The following SHQ1 variants were observed in gnomAD, a reference collection of about 807,000 sequenced individuals.
The protein encoded by SHQ1 is protein SHQ1 homolog.
Under a neutral mutation model 53.8 loss-of-function variants are expected in SHQ1, and 49 were observed. The observed-to-expected ratio is 0.91, with a 90% CI of 0.72 to 1.16. The LOEUF (loss-of-function observed/expected upper bound fraction) is 1.16. SHQ1 is among the 50% of genes most tolerant of loss of function. SHQ1 has a pLI of 0.00. For missense variants in SHQ1, 738 were observed against 683.1 expected (o/e 1.08, Z -0.90); for synonymous variants, 243 against 251.0 (o/e 0.97, Z 0.30).
At chr3:72,736,839 A>G in the SHQ1 span, among the ~76,000 whole-genome samples, 2 of 150,650 alleles carry the variant, frequency 1.3e-5, no homozygotes, top group Non-Finnish European at 3.0e-5. Context: ...TTTGCAGGCT[A>G]TACAAAAACA....
the SHQ1 span, among the ~76,000 whole-genome samples, chr3:72,734,975 G>A: frequency 3.0e-4 from 46 of 151,722 alleles, 2 homozygotes; most frequent in African/African-American, 3.6e-4. Flanking sequence ...AGTGCCAGGC[G>A]TGGATTTCTC....
At chr3:72,746,135 G>A (rs908275116), downstream of SHQ1, among the ~76,000 whole-genome samples, 31 of 152,118 alleles carry the variant, frequency 2.0e-4, no homozygotes, top group African/African-American at 7.0e-4. Context: ...GAGCCATCGC[G>A]CCCAGCCCCG....
chr3:72,809,133 A>G (rs1575710580), intron 9 of SHQ1, among the ~76,000 whole-genome samples: 1 of 152,130 alleles, frequency 6.6e-6, no homozygotes, highest in African/African-American at 2.4e-5. Flanking sequence ...TTCCATTAAG[A>G]AGCAGGACAG....
chr3:72,772,056 C>A (rs968213592), intron 10 of SHQ1, among the ~76,000 whole-genome samples: 25 of 152,254 alleles, frequency 1.6e-4, no homozygotes, highest in South Asian at 6.2e-4. Context: ...GTTTGCAAGA[C>A]TTTTCAGTTC....
chr3:72,740,437 G>A, the SHQ1 span, among the ~76,000 whole-genome samples: 5 of 152,156 alleles, frequency 3.3e-5, no homozygotes, highest in Admixed American at 3.3e-4. Context: ...CAGGAGATAG[G>A]GCCTTTGATC....
chr3:72,822,018 C>A (rs778801665), intron 6 of SHQ1, among the ~76,000 whole-genome samples: 38 of 152,140 alleles, frequency 2.5e-4, no homozygotes, highest in Non-Finnish European at 5.1e-4. Context: ...TTTTACTCTA[C>A]AATAATAATT....
chr3:72,799,156 A>G (rs1407148007), intron 9 of SHQ1, among the ~76,000 whole-genome samples: 1 of 148,614 alleles, frequency 6.7e-6, no homozygotes, highest in Admixed American at 6.7e-5. Flanking sequence ...CATCTCTACA[A>G]AAAAAAAAAT....
At chr3:72,773,114 T>C in intron 10 of SHQ1, 5 of 772,650 alleles carry the variant, frequency 6.5e-6, no homozygotes, top group South Asian at 2.8e-5. Flanking sequence ...CTTCGTGAAA[T>C]TGAGCTCAAA....
the SHQ1 span, among the ~76,000 whole-genome samples, chr3:72,738,004 T>C: frequency 6.6e-6 from 1 of 152,180 alleles, no homozygotes; most frequent in Non-Finnish European, 1.5e-5. Flanking sequence ...TGCCCCCCAA[T>C]TCCCCAGCTC....
At chr3:72,798,236 T>G (rs1313855529) in intron 9 of SHQ1, among the ~76,000 whole-genome samples, 1 of 152,142 alleles carries the variant, frequency 6.6e-6, no homozygotes, top group Non-Finnish European at 1.5e-5. Context: ...GGTAACTATT[T>G]GCACCACAAA....
chr3:72,782,906 C>A (rs1054542837), intron 10 of SHQ1, among the ~76,000 whole-genome samples: 9 of 152,200 alleles, frequency 5.9e-5, no homozygotes, highest in Non-Finnish European at 1.2e-4. Context: ...AGTGAAAATT[C>A]TACGTGAAGT....
At chr3:72,768,840 A>G (rs1705787973) in intron 10 of SHQ1, among the ~76,000 whole-genome samples, 1 of 152,274 alleles carries the variant, frequency 6.6e-6, no homozygotes, top group East Asian at 1.9e-4. Context: ...TGCCCCCAGT[A>G]TGTTTTTCCC....
At chr3:72,806,243 A>G (rs1706940634) in intron 9 of SHQ1, among the ~76,000 whole-genome samples, 1 of 152,192 alleles carries the variant, frequency 6.6e-6, no homozygotes, top group South Asian at 2.1e-4. Context: ...TCAAACATTC[A>G]GCAGCAGTTC....
At chr3:72,789,113 T>C (rs995016637) in intron 10 of SHQ1, among the ~76,000 whole-genome samples, 1 of 151,482 alleles carries the variant, frequency 6.6e-6, no homozygotes, top group Non-Finnish European at 1.5e-5. Context: ...AATAAACTTG[T>C]TACATATTTA....
At chr3:72,763,022 TACACAC>T (rs35278618) in intron 10 of SHQ1, among the ~76,000 whole-genome samples, 9,786 of 132,448 alleles carry the variant, frequency 0.074, 408 homozygotes, top group African/African-American at 0.12. Context: ...CATCTTGTTT[TACACAC>T]ACACACACAC....
chr3:72,769,682 G>A (rs773042105), intron 10 of SHQ1, among the ~76,000 whole-genome samples: 111 of 152,122 alleles, frequency 7.3e-4, no homozygotes, highest in African/African-American at 2.0e-3. Flanking sequence ...CTCTTGCAAC[G>A]GGGCCAGGGT....
In SHQ1 at chr3:72,825,516, G is replaced by C. The variant is rs556441744; in HGVS notation, c.600-965C>G. On this transcript the variant is annotated intron_variant, in intron 5 of 10. Transcript: ENST00000325599. ...ATAAAAGCAACATTTGTAGAGAACAGAAAGCTAATTTTCCTGCACTCTACA... is the reference window on the plus strand; with the variant it reads ...ATAAAAGCAACATTTGTAGAGAACACAAAGCTAATTTTCCTGCACTCTACA... Among the ~76,000 whole-genome samples the C allele has an allele frequency of 7.9e-5, 12 of 152,154 alleles. No individual in the cohort carries two copies. In the South Asian group the frequency reaches 2.1e-3, roughly 26 times the overall value.
At chr3:72,765,871 A>G (rs1705716360) in intron 10 of SHQ1, among the ~76,000 whole-genome samples, 1 of 152,130 alleles carries the variant, frequency 6.6e-6, no homozygotes, top group Non-Finnish European at 1.5e-5. Context: ...ACTTGAAAGT[A>G]CTATGTGTTC....
intron 10 of SHQ1, among the ~76,000 whole-genome samples, chr3:72,754,515 G>A (rs1705460393): frequency 6.6e-6 from 1 of 151,870 alleles, no homozygotes; most frequent in Admixed American, 6.6e-5. Flanking sequence ...CCGAGTAGCT[G>A]GAATTACAGA....
Sources: allele counts gnomAD v4.1 joint callset (sites outside exome capture counted in the v4.1 genomes callset), GRCh38; gene constraint gnomAD v4.1.1; transcripts MANE v1.5; gene names NCBI Gene and HGNC (gene_info 2026-07-23, HGNC 2026-07-21).